Variants in FAM78B observed in about 807,000 individuals in gnomAD.
FAM78B encodes family with sequence similarity 78 member B.
FAM78B carries 10 observed loss-of-function variants against 20.0 expected under a neutral mutation model. The observed-to-expected ratio is 0.50, with a 90% CI of 0.31 to 0.85. The LOEUF is 0.85. Among genes scored for constraint, FAM78B ranks in the 40% least tolerant of loss-of-function variants. The pLI is 0.05. For synonymous variants in FAM78B, 135 were observed against 132.8 expected, an observed-to-expected ratio of 1.02 and a Z score of -0.12; for missense variants, 283 against 345.0, an observed-to-expected ratio of 0.82 and a Z score of 1.42.
intron 1 of FAM78B, among the ~76,000 whole-genome samples, chr1:166,109,882 GTATATATGTATATATATATATA>G (rs1653966756): frequency 1.6e-4 from 2 of 12,248 alleles, no homozygotes; most frequent in Non-Finnish European, 4.9e-4. Flanking sequence ...ATATATATAT[GTATATATGTATATATATATATA>G]TATATATATA....
chr1:166,077,824 A>ATATATAATTTATATATATAAT, intron 1 of FAM78B, among the ~76,000 whole-genome samples: 1 of 83,614 alleles, frequency 1.2e-5, no homozygotes, highest in African/African-American at 4.1e-5. Context: ...GATTATATAT[A>ATATATAATTTATATATATAAT]AATATATATA....
chr1:166,126,145 A>T (rs1434540389), intron 1 of FAM78B, among the ~76,000 whole-genome samples: 1 of 151,912 alleles, frequency 6.6e-6, no homozygotes, highest in Non-Finnish European at 1.5e-5. Flanking sequence ...ATTACTTTCA[A>T]TTTTTTTATT....
intron 1 of FAM78B, among the ~76,000 whole-genome samples, chr1:166,073,346 C>G (rs1652123598): frequency 6.6e-6 from 1 of 152,128 alleles, no homozygotes; most frequent in Non-Finnish European, 1.5e-5. Context: ...AGGACTACAT[C>G]ATTAAGGGAT....
chr1:166,068,203 G>T (rs1651874504), downstream of FAM78B, among the ~76,000 whole-genome samples: 1 of 152,190 alleles, frequency 6.6e-6, no homozygotes, highest in Non-Finnish European at 1.5e-5. Flanking sequence ...GTCTAATTCA[G>T]TCTGGGGGAG....
At chr1:166,062,953 G>A (rs367611050) in intron 2 of FAM78B, among the ~76,000 whole-genome samples, 13 of 152,366 alleles carry the variant, frequency 8.5e-5, no homozygotes, top group East Asian at 5.8e-4. Context: ...ACATACTGAC[G>A]TGGCTGTAGG....
intron 1 of FAM78B, among the ~76,000 whole-genome samples, chr1:166,071,962 TG>T (rs561938631): frequency 1.6e-3 from 242 of 152,304 alleles, no homozygotes; most frequent in African/African-American, 5.5e-3. Flanking sequence ...AGCAGAGTGT[TG>T]ATGCATGCTC....
rs911088121 is a variant in FAM78B at position 166,069,540 on chromosome 1, T to A, written c.*701A>T. On this transcript the variant is annotated 3_prime_UTR_variant, in exon 2 of 2. Coordinates refer to ENST00000354422, the MANE Select transcript of FAM78B (RefSeq NM_001017961.5). Reference sequence around the variant, plus strand: ...GATTAAAAATACTCTGAATAAGCAATCTTTTTGGAAAGAGGTGGGTAGACG... The same window carrying A: ...GATTAAAAATACTCTGAATAAGCAAACTTTTTGGAAAGAGGTGGGTAGACG... The A allele has an allele frequency of 6.6e-6, 1 of 152,160 alleles. No individual in the cohort carries two copies. Among genetic ancestry groups the A allele is most frequent in the Non-Finnish European group, 1.5e-5 (1 of 68,028 alleles). 9.4% of individuals were successfully genotyped at this position (152,160 alleles called of 1,614,324 possible).
chr1:166,099,499 CAACT>C lies in FAM78B; in HGVS notation c.264-28740_264-28737del, dbSNP rs199734485. ...ACCCACAGAATGGATAAAAACTCAC[CAACT>C]AACTATCTGCTGCCTTCAGGAGACT... is the stretch of plus-strand genomic sequence containing the variant. On this transcript the variant is annotated intron_variant, in intron 1 of 1. Transcript: ENST00000354422. Among the ~76,000 whole-genome samples, 855 of 152,204 alleles carry C rather than the reference CAACT, an allele frequency of 5.6e-3. 6 individuals carry two copies. Among genetic ancestry groups the C allele is most frequent in the African/African-American group, 0.02 (818 of 41,520 alleles).
intron 1 of FAM78B, among the ~76,000 whole-genome samples, chr1:166,108,178 G>A (rs565587297): frequency 2.7e-5 from 4 of 150,280 alleles, no homozygotes; most frequent in South Asian, 2.1e-4. Flanking sequence ...AAAGGGCATC[G>A]AAATCGGTAA....
intron 1 of FAM78B, among the ~76,000 whole-genome samples, chr1:166,151,699 T>C (rs890015747): frequency 6.6e-6 from 1 of 152,228 alleles, no homozygotes; most frequent in African/African-American, 2.4e-5. Flanking sequence ...CAAATGTCTC[T>C]GCTTCAAGTG....
chr1:166,150,936 T>TA (rs891252344), intron 1 of FAM78B, among the ~76,000 whole-genome samples: 15 of 151,860 alleles, frequency 9.9e-5, no homozygotes, highest in Admixed American at 9.2e-4. Flanking sequence ...ATTTAAAAAA[T>TA]AAAAAAAATT....
chr1:166,063,702 T>C (rs2101943186), intron 2 of FAM78B, among the ~76,000 whole-genome samples: 1 of 152,350 alleles, frequency 6.6e-6, no homozygotes, highest in African/African-American at 2.4e-5. Context: ...GCGATCTCAC[T>C]ATCCAAATGC....
At chr1:166,056,452 G>A (rs1651348032), downstream of FAM78B, among the ~76,000 whole-genome samples, 1 of 152,156 alleles carries the variant, frequency 6.6e-6, no homozygotes, top group African/African-American at 2.4e-5. Context: ...TAGGTCTTCA[G>A]TCCTGTCAAC....
intron 1 of FAM78B, among the ~76,000 whole-genome samples, chr1:166,127,730 G>C (rs757329005): frequency 1.3e-5 from 2 of 152,206 alleles, no homozygotes; most frequent in Non-Finnish European, 2.9e-5. Flanking sequence ...AAATGTGTCT[G>C]ACTGCTACTG....
chr1:166,095,078 A>G (rs1302745392), intron 1 of FAM78B, among the ~76,000 whole-genome samples: 3 of 152,144 alleles, frequency 2.0e-5, no homozygotes, highest in Non-Finnish European at 4.4e-5. Context: ...TGGTCTAATG[A>G]TGACTCTGTC....
intron 1 of FAM78B, among the ~76,000 whole-genome samples, chr1:166,125,935 G>A (rs1053926113): frequency 2.9e-4 from 44 of 150,866 alleles, no homozygotes; most frequent in Middle Eastern, 3.4e-3. Context: ...AGGTTCAAGC[G>A]ATTCTCCTGC....
chr1:166,109,882 G>GTATATATA (rs1274176169), intron 1 of FAM78B, among the ~76,000 whole-genome samples: 1,653 of 12,254 alleles, frequency 0.13, 234 homozygotes, highest in African/African-American at 0.25. Context: ...ATATATATAT[G>GTATATATA]TATATATGTA....
rs372134890 is a variant in FAM78B at position 166,084,237 on chromosome 1, ACTCT to A, written c.264-13478_264-13475del. Among the ~76,000 whole-genome samples, 1,025 of 125,422 alleles carry A rather than the reference ACTCT, an allele frequency of 8.2e-3. 13 individuals are homozygous for A. Among genetic ancestry groups the A allele is most frequent in the East Asian group, 0.059 (254 of 4,334 alleles). The allele number at this position is 125,422 out of a possible 152,430, so 82.3% of individuals were successfully genotyped here. On this transcript the variant is annotated intron_variant, in intron 1 of 1. Transcript: ENST00000354422. ...CACACACACACACACACACACACAC[ACTCT>A]CTCTCTCTCTCTCTCTCTCTCTCTT...
chr1:166,146,499 G>A (rs1310308580), intron 1 of FAM78B, among the ~76,000 whole-genome samples: 1 of 152,182 alleles, frequency 6.6e-6, no homozygotes, highest in East Asian at 1.9e-4. Flanking sequence ...ACTTGCTCTT[G>A]TTTACCAGTT....
Sources: gnomAD v4.1 joint callset for allele counts (sites outside exome capture counted in the v4.1 genomes callset) on GRCh38, gnomAD v4.1.1 for gene constraint, MANE v1.5 for transcripts, NCBI Gene and HGNC (gene_info 2026-07-23, HGNC 2026-07-21) for gene names.